CSMD1: variants seen among roughly 807,000 people sequenced by gnomAD.
The protein encoded by CSMD1 is CUB and sushi domain-containing protein 1.
Under a neutral mutation model 417.5 loss-of-function variants are expected in CSMD1, and 213 were observed. The ratio of observed to expected loss-of-function variants is 0.51; its 90% CI spans 0.46 to 0.57. CSMD1 has a LOEUF of 0.57. Among genes scored for constraint, CSMD1 ranks in the 20% least tolerant of loss-of-function variants. The pLI is 0.00. For synonymous variants in CSMD1, 2,862 were observed against 1,736.8 expected (o/e 1.65, Z -16.11); for missense variants, 6,923 against 4,529.7 (o/e 1.53, Z -15.17).
chr8:4,613,870 A>T (rs1420114558), intron 2 of CSMD1, among the ~76,000 whole-genome samples: 1 of 151,716 alleles, frequency 6.6e-6, no homozygotes, highest in Admixed American at 6.6e-5. Flanking sequence ...CAAAAAAAAA[A>T]AAAAAAGAAA....
intron 3 of CSMD1, among the ~76,000 whole-genome samples, chr8:4,175,199 A>C (rs1267551090): frequency 6.6e-6 from 1 of 152,098 alleles, no homozygotes. Flanking sequence ...TTACTGGGGA[A>C]AATTGAGCTC....
intron 2 of CSMD1, among the ~76,000 whole-genome samples, chr8:4,560,921 G>C (rs1272600840): frequency 6.6e-6 from 1 of 152,142 alleles, no homozygotes; most frequent in Non-Finnish European, 1.5e-5. Flanking sequence ...ACTTATCAAA[G>C]ATCCGTTTTC....
At chr8:4,463,978 A>G (rs1202486431) in intron 2 of CSMD1, among the ~76,000 whole-genome samples, 1 of 152,178 alleles carries the variant, frequency 6.6e-6, no homozygotes, top group Non-Finnish European at 1.5e-5. Flanking sequence ...TTGAAATTCC[A>G]TTTAGCTATA....
chr8:4,632,504 C>G (rs1802581487), intron 2 of CSMD1, among the ~76,000 whole-genome samples: 2 of 152,050 alleles, frequency 1.3e-5, no homozygotes, highest in African/African-American at 4.8e-5. Context: ...AAGAGCAAAA[C>G]TCCATCATGG....
At chr8:3,358,269 T>C (rs564352591) in intron 21 of CSMD1, among the ~76,000 whole-genome samples, 2 of 152,282 alleles carry the variant, frequency 1.3e-5, no homozygotes, top group South Asian at 4.1e-4. Flanking sequence ...CCTTGGTTAA[T>C]CTCTCATCTC....
intron 3 of CSMD1, among the ~76,000 whole-genome samples, chr8:4,389,181 T>C (rs1434697764): frequency 2.0e-5 from 3 of 152,220 alleles, no homozygotes; most frequent in South Asian, 4.1e-4. Context: ...TAACATCAAC[T>C]GGCCTGTTAC....
At chr8:3,203,843 G>C (rs1797113795) in intron 31 of CSMD1, among the ~76,000 whole-genome samples, 1 of 152,096 alleles carries the variant, frequency 6.6e-6, no homozygotes, top group Non-Finnish European at 1.5e-5. Flanking sequence ...ATATCGCTTC[G>C]CATTTTCAGC....
chr8:3,560,454 T>C (rs1363188038), intron 10 of CSMD1, among the ~76,000 whole-genome samples: 1 of 152,060 alleles, frequency 6.6e-6, no homozygotes, highest in Non-Finnish European at 1.5e-5. Context: ...GGATCCCAGG[T>C]CTGTGAACTC....
In CSMD1 at chr8:2,988,972, C is replaced by T. The variant is rs145633123; in HGVS notation, c.8377+9039G>A. 4.6e-3 allele frequency among the ~76,000 whole-genome samples: 708 copies of T among 152,268 alleles called. 4 individuals carry two copies. The highest frequency in any genetic ancestry group is 0.016 in the African/African-American group (672 of 41,550). ...GTGGGATGGGGTCTCTGTTTTGTGC[C>T]ATTAACTAAGTGCTGCACCAGGGTC... On this transcript the variant is annotated intron_variant, in intron 54 of 69. Coordinates refer to ENST00000635120, the MANE Select transcript of CSMD1 (RefSeq NM_033225.6).
chr8:3,780,956 G>A (rs1295242125), intron 5 of CSMD1, among the ~76,000 whole-genome samples: 1 of 152,126 alleles, frequency 6.6e-6, no homozygotes, highest in South Asian at 2.1e-4. Context: ...AAGCTCTAAA[G>A]ATATCTGTCT....
At chr8:4,173,442 G>A (rs571445443) in intron 3 of CSMD1, among the ~76,000 whole-genome samples, 4 of 152,068 alleles carry the variant, frequency 2.6e-5, no homozygotes, top group African/African-American at 7.2e-5. Context: ...ACCAGAGGAC[G>A]TTACTGAAGC....
At chr8:3,941,963 C>T (rs553889004) in intron 5 of CSMD1, among the ~76,000 whole-genome samples, 11 of 152,172 alleles carry the variant, frequency 7.2e-5, no homozygotes, top group African/African-American at 2.6e-4. Context: ...ATTTACAGCC[C>T]CTCCCCATTG....
chr8:3,351,004 A>G (rs1808383884), intron 21 of CSMD1, among the ~76,000 whole-genome samples: 1 of 152,232 alleles, frequency 6.6e-6, no homozygotes, highest in Non-Finnish European at 1.5e-5. Context: ...AGAAAAAATC[A>G]AGGCAAAAGC....
At chr8:4,429,240 C>T (rs146743617) in intron 2 of CSMD1, among the ~76,000 whole-genome samples, 2 of 151,892 alleles carry the variant, frequency 1.3e-5, no homozygotes, top group East Asian at 1.9e-4. Context: ...GTTTTAAAAA[C>T]ATCATGAGAT....
intron 10 of CSMD1, among the ~76,000 whole-genome samples, chr8:3,522,863 A>G (rs1797564682): frequency 6.7e-6 from 1 of 149,940 alleles, no homozygotes; most frequent in African/African-American, 2.4e-5. Context: ...TATATATTTA[A>G]TGTAAATTAT....
chr8:3,513,687 T>A (rs1013571217), intron 10 of CSMD1, among the ~76,000 whole-genome samples: 1 of 152,182 alleles, frequency 6.6e-6, no homozygotes, highest in African/African-American at 2.4e-5. Context: ...CCACAAAATA[T>A]AGACACTTGG....
rs143850949 is a variant in CSMD1 at position 3,431,708 on chromosome 8, G to T, written c.1562-22103C>A. 6.6e-4 allele frequency among the ~76,000 whole-genome samples: 101 copies of T among 152,206 alleles called. 1 individual carries two copies. Among genetic ancestry groups the T allele is most frequent in the African/African-American group, 2.3e-3 (97 of 41,520 alleles). ...CCCATAGTCTTGCTAAAATTAAGAG[G>T]AAACACATCACATCTCTCACTTTAC... On this transcript the variant is annotated intron_variant, in intron 12 of 69. Coordinates refer to ENST00000635120, the MANE Select transcript of CSMD1 (RefSeq NM_033225.6).
chr8:4,450,557 C>G (rs1259229737), intron 2 of CSMD1, among the ~76,000 whole-genome samples: 1 of 152,038 alleles, frequency 6.6e-6, no homozygotes, highest in African/African-American at 2.4e-5. Flanking sequence ...TTCACTTGAA[C>G]CCGGGAGGCA....
chr8:3,344,691 T>G (rs1014686842), intron 22 of CSMD1, among the ~76,000 whole-genome samples: 1 of 152,236 alleles, frequency 6.6e-6, no homozygotes, highest in Non-Finnish European at 1.5e-5. Context: ...TGTTTGTCTA[T>G]TTTCCCCACT....
Sources: gnomAD v4.1 joint callset for allele counts (sites outside exome capture counted in the v4.1 genomes callset) on GRCh38, gnomAD v4.1.1 for gene constraint, MANE v1.5 for transcripts, NCBI Gene and HGNC (gene_info 2026-07-23, HGNC 2026-07-21) for gene names.